Variants in ADAM9 observed in about 807,000 individuals in gnomAD.
ADAM9 encodes disintegrin and metalloproteinase domain-containing protein 9.
ADAM9 carries 54 observed loss-of-function variants against 108.1 expected under a neutral mutation model. That is an observed-to-expected ratio of 0.50 (90% CI 0.40 to 0.63). The LOEUF is 0.63. Among genes scored for constraint, ADAM9 ranks in the 20% least tolerant of loss-of-function variants. ADAM9 has a pLI of 0.00. For synonymous variants in ADAM9, 316 were observed against 336.0 expected (o/e 0.94, Z 0.65); for missense variants, 830 against 997.7 (o/e 0.83, Z 2.26).
intron 7 of ADAM9, among the ~76,000 whole-genome samples, chr8:39,019,388 A>G (rs941130194): frequency 6.6e-6 from 1 of 152,238 alleles, no homozygotes; most frequent in Non-Finnish European, 1.5e-5. Flanking sequence ...ATTTCCGTGT[A>G]TAGGATCACA....
intron 6 of ADAM9, chr8:39,018,572 CATATT>C (rs1025286669): frequency 5.1e-6 from 2 of 394,506 alleles, no homozygotes; most frequent in African/African-American, 4.1e-5. Flanking sequence ...ACATTTTTCT[CATATT>C]AGTGCAGATA....
At chr8:39,050,689 G>A (rs911668694) in intron 12 of ADAM9, among the ~76,000 whole-genome samples, 1 of 152,032 alleles carries the variant, frequency 6.6e-6, no homozygotes, top group Non-Finnish European at 1.5e-5. Context: ...TGTTGTTAGC[G>A]CTCAGTGTCT....
intron 11 of ADAM9, among the ~76,000 whole-genome samples, chr8:39,033,958 G>T (rs114771449): frequency 1.9e-4 from 29 of 152,252 alleles, no homozygotes; most frequent in African/African-American, 6.5e-4. Flanking sequence ...CATGTATCCT[G>T]AGAATATATA....
chr8:39,076,464 G>T (rs1838852380), intron 15 of ADAM9, among the ~76,000 whole-genome samples: 1 of 152,202 alleles, frequency 6.6e-6, no homozygotes, highest in Non-Finnish European at 1.5e-5. Flanking sequence ...TTTCAGGAGG[G>T]TGTAAATTAG....
At chr8:39,100,311 A>C (rs1839648532) in intron 20 of ADAM9, among the ~76,000 whole-genome samples, 1 of 148,848 alleles carries the variant, frequency 6.7e-6, no homozygotes, top group African/African-American at 2.5e-5. Context: ...AACATGGTGA[A>C]ACCCCGTCTC....
chr8:39,089,715 A>G, intron 18 of ADAM9: 2 of 343,792 alleles, frequency 5.8e-6, no homozygotes, highest in Non-Finnish European at 1.1e-5. Context: ...TGTACAGATA[A>G]GTGGAAAAAA....
chr8:39,054,158 A>T (rs939458583), intron 12 of ADAM9, among the ~76,000 whole-genome samples: 1 of 152,162 alleles, frequency 6.6e-6, no homozygotes, highest in East Asian at 1.9e-4. Flanking sequence ...ACTAGTAGGA[A>T]CCTTGATCTT....
At chr8:39,073,588 G>C (rs1169261890) in intron 15 of ADAM9, among the ~76,000 whole-genome samples, 2 of 152,140 alleles carry the variant, frequency 1.3e-5, no homozygotes, top group African/African-American at 4.8e-5. Context: ...ATTAAACATT[G>C]AATGAATGAA....
intron 15 of ADAM9, among the ~76,000 whole-genome samples, chr8:39,074,229 T>C (rs6474524): frequency 0.8 from 121,006 of 152,136 alleles, 48,331 homozygotes; most frequent in East Asian, 0.95. Flanking sequence ...TCCAGAGATA[T>C]TTCCTTAAGT....
chr8:39,048,779 ATTG>A (rs1837857302), intron 12 of ADAM9, among the ~76,000 whole-genome samples: 1 of 152,026 alleles, frequency 6.6e-6, no homozygotes, highest in African/African-American at 2.4e-5. Flanking sequence ...TATATTTATT[ATTG>A]TTATATCTTC....
chr8:39,091,679 G>A (rs951172753), intron 20 of ADAM9, among the ~76,000 whole-genome samples: 1 of 152,122 alleles, frequency 6.6e-6, no homozygotes, highest in Non-Finnish European at 1.5e-5. Flanking sequence ...TAGAGACGGG[G>A]TCTCACCGCA....
rs561265641 is a variant in ADAM9, at chr8:39,012,738, T to C, written c.254+1022T>C. Among the ~76,000 whole-genome samples the C allele has an allele frequency of 6.3e-3, 959 of 152,060 alleles. 6 individuals are homozygous for C. Among genetic ancestry groups the C allele is most frequent in the Middle Eastern group, 0.02 (6 of 294 alleles). On this transcript the variant is annotated intron_variant, in intron 3 of 21. Coordinates refer to ENST00000487273, the MANE Select transcript of ADAM9 (RefSeq NM_003816.3). Reference sequence around the variant, plus strand: ...ACATGTTCTCACTCATAGGTGGGAATTGAACAATGAGAACACTTGGACACA... The same window carrying C: ...ACATGTTCTCACTCATAGGTGGGAACTGAACAATGAGAACACTTGGACACA...
At chr8:39,039,080 T>A (rs1837373883) in intron 11 of ADAM9, among the ~76,000 whole-genome samples, 1 of 152,136 alleles carries the variant, frequency 6.6e-6, no homozygotes, top group Admixed American at 6.5e-5. Context: ...AAAGAAGAGT[T>A]TAACATGACT....
intron 9 of ADAM9, among the ~76,000 whole-genome samples, 188 bp downstream of exon 9, chr8:39,023,513 C>T (rs375496959): frequency 6.6e-6 from 1 of 151,942 alleles, no homozygotes; most frequent in Non-Finnish European, 1.5e-5. Flanking sequence ...TCTCCCATAT[C>T]CTCCTTTTTT....
chr8:39,080,316 T>G (rs530300432), intron 16 of ADAM9, among the ~76,000 whole-genome samples: 1 of 152,332 alleles, frequency 6.6e-6, no homozygotes, highest in South Asian at 2.1e-4. Flanking sequence ...GGAAAAATAT[T>G]GGCTTTAGAT....
intron 12 of ADAM9, among the ~76,000 whole-genome samples, chr8:39,045,470 GTA>G (rs1837720006): frequency 6.7e-6 from 1 of 148,984 alleles, no homozygotes; most frequent in Admixed American, 6.6e-5. Flanking sequence ...GTGCGTGTGT[GTA>G]CACACACCTA....
intron 12 of ADAM9, among the ~76,000 whole-genome samples, chr8:39,046,315 G>A (rs368630314): frequency 6.6e-6 from 1 of 151,942 alleles, no homozygotes; most frequent in Non-Finnish European, 1.5e-5. Flanking sequence ...TGTCAGTTTT[G>A]TTTCCTGCAA....
chr8:39,055,940 G>A (rs556689329), intron 14 of ADAM9, among the ~76,000 whole-genome samples, 168 bp downstream of exon 14: 1 of 152,208 alleles, frequency 6.6e-6, no homozygotes, highest in East Asian at 1.9e-4. Flanking sequence ...AATATGCACA[G>A]ATTCAGTTGA....
intron 14 of ADAM9, among the ~76,000 whole-genome samples, chr8:39,069,038 C>T (rs1484645361): frequency 1.3e-5 from 2 of 152,162 alleles, no homozygotes; most frequent in Non-Finnish European, 2.9e-5. Flanking sequence ...TCCTTATTCT[C>T]TATAGCCAGA....
Sources: gnomAD v4.1 joint callset for allele counts (sites outside exome capture counted in the v4.1 genomes callset) on GRCh38, gnomAD v4.1.1 for gene constraint, MANE v1.5 for transcripts, NCBI Gene and HGNC (gene_info 2026-07-23, HGNC 2026-07-21) for gene names.